Variants in CCBE1 observed in about 807,000 individuals in gnomAD.
CCBE1 encodes collagen and calcium binding EGF domains 1, also known as collagen and calcium-binding EGF domain-containing protein 1.
CCBE1 carries 37 observed loss-of-function variants against 50.0 expected under a neutral mutation model. The ratio of observed to expected loss-of-function variants is 0.74; its 90% CI spans 0.57 to 0.97. CCBE1 has a LOEUF of 0.97. Ranked by LOEUF, CCBE1 falls within the 50% of genes least tolerant of loss-of-function variation. The pLI is 0.00. For synonymous variants in CCBE1, 234 were observed against 203.7 expected (o/e 1.15, Z -1.27); for missense variants, 538 against 523.8 (o/e 1.03, Z -0.26).
At chr18:59,577,244 G>C (rs1005575887) in intron 2 of CCBE1, among the ~76,000 whole-genome samples, 1 of 152,218 alleles carries the variant, frequency 6.6e-6, no homozygotes, top group Admixed American at 6.5e-5. Flanking sequence ...AGGCAGAAAA[G>C]CATTTGTGGG....
intron 2 of CCBE1, among the ~76,000 whole-genome samples, chr18:59,608,490 C>T (rs554305256): frequency 6.6e-6 from 1 of 152,284 alleles, no homozygotes; most frequent in East Asian, 1.9e-4. Flanking sequence ...GCCCTTACCA[C>T]CTGCTTGAGA....
intron 9 of CCBE1, among the ~76,000 whole-genome samples, chr18:59,438,874 G>T (rs1436308828): frequency 6.6e-6 from 1 of 152,182 alleles, no homozygotes; most frequent in Non-Finnish European, 1.5e-5. Flanking sequence ...TTCAGGCCGG[G>T]AGCGGTGCCT....
At chr18:59,484,620 G>A (rs1357641156) in intron 2 of CCBE1, among the ~76,000 whole-genome samples, 1 of 152,182 alleles carries the variant, frequency 6.6e-6, no homozygotes, top group East Asian at 1.9e-4. Flanking sequence ...AAAAGGCTAT[G>A]GAACTCCATC....
chr18:59,605,508 G>C (rs879934932), intron 2 of CCBE1, among the ~76,000 whole-genome samples: 4 of 152,180 alleles, frequency 2.6e-5, no homozygotes, highest in Non-Finnish European at 5.9e-5. Flanking sequence ...GGTCCAGGTG[G>C]ATAACTCTTA....
intron 2 of CCBE1, among the ~76,000 whole-genome samples, chr18:59,567,080 C>T (rs2052841957): frequency 6.6e-6 from 1 of 152,066 alleles, no homozygotes; most frequent in African/African-American, 2.4e-5. Flanking sequence ...TCATGATGTC[C>T]TGGATTTATT....
At chr18:59,692,147 C>T (rs2054741194) in intron 2 of CCBE1, among the ~76,000 whole-genome samples, 1 of 152,170 alleles carries the variant, frequency 6.6e-6, no homozygotes, top group Non-Finnish European at 1.5e-5. Flanking sequence ...AGATGAAGTT[C>T]ATACGACTCA....
At chr18:59,580,412 T>C (rs1255164915) in intron 2 of CCBE1, among the ~76,000 whole-genome samples, 4 of 152,164 alleles carry the variant, frequency 2.6e-5, no homozygotes, top group African/African-American at 4.8e-5. Flanking sequence ...CCCCAAAATG[T>C]AGAAAACCAA....
chr18:59,547,225 C>T (rs560246876), intron 2 of CCBE1, among the ~76,000 whole-genome samples: 4 of 151,798 alleles, frequency 2.6e-5, no homozygotes, highest in South Asian at 2.1e-4. Flanking sequence ...GAGGCTAAGG[C>T]GGGCAGATCA....
chr18:59,676,574 T>C (rs1021941193), intron 2 of CCBE1, among the ~76,000 whole-genome samples: 1 of 152,386 alleles, frequency 6.6e-6, no homozygotes, highest in Non-Finnish European at 1.5e-5. Context: ...GTAATATGTA[T>C]TCATTCTTTC....
intron 2 of CCBE1, among the ~76,000 whole-genome samples, chr18:59,489,694 T>G (rs530472820): frequency 1.2e-3 from 176 of 152,220 alleles, no homozygotes; most frequent in Non-Finnish European, 2.0e-3. Flanking sequence ...ATTATAGACG[T>G]GAGCCACTGC....
chr18:59,656,731 A>G (rs1276159498), intron 2 of CCBE1, among the ~76,000 whole-genome samples: 1 of 152,246 alleles, frequency 6.6e-6, no homozygotes, highest in Middle Eastern at 3.2e-3. Flanking sequence ...TATTTTGTCT[A>G]AAGAGCAAAT....
intron 2 of CCBE1, among the ~76,000 whole-genome samples, chr18:59,654,973 G>A (rs1393271629): frequency 6.6e-6 from 1 of 151,198 alleles, no homozygotes; most frequent in Non-Finnish European, 1.5e-5. Context: ...TGTAATCCCA[G>A]CTACTTGGAA....
chr18:59,696,811 C>A (rs953000640), intron 1 of CCBE1, 102 bp from the exon 2 acceptor site: 2 of 1,281,336 alleles, frequency 1.6e-6, no homozygotes, highest in East Asian at 2.3e-5. Context: ...CCAGGCTCCC[C>A]GTCCCGGCGC....
At chr18:59,605,978 C>G (rs567824232) in intron 2 of CCBE1, among the ~76,000 whole-genome samples, 3 of 152,130 alleles carry the variant, frequency 2.0e-5, no homozygotes, top group Non-Finnish European at 4.4e-5. Context: ...CTCGAATGTC[C>G]GAACTGTAGA....
chr18:59,497,758 C>G (rs1913422830), intron 2 of CCBE1, among the ~76,000 whole-genome samples: 1 of 152,196 alleles, frequency 6.6e-6, no homozygotes, highest in African/African-American at 2.4e-5. Context: ...AACTGCCCAG[C>G]CCGCAGTCCT....
chr18:59,654,927 A>G (rs1304538009), intron 2 of CCBE1, among the ~76,000 whole-genome samples: 3 of 151,868 alleles, frequency 2.0e-5, no homozygotes, highest in Non-Finnish European at 4.4e-5. Flanking sequence ...ACATGGCAAA[A>G]ATGCAAAAAG....
chr18:59,627,221 C>T (rs991039396), intron 2 of CCBE1, among the ~76,000 whole-genome samples: 4 of 152,042 alleles, frequency 2.6e-5, no homozygotes, highest in South Asian at 4.1e-4. Context: ...CCATATTGTC[C>T]GTATTCTGAG....
At chr18:59,526,297 T>A (rs1914816505) in intron 2 of CCBE1, among the ~76,000 whole-genome samples, 1 of 148,876 alleles carries the variant, frequency 6.7e-6, no homozygotes, top group Non-Finnish European at 1.5e-5. Context: ...GATGTTAGGA[T>A]GCTGATTTGA....
chr18:59,535,566 G>A (rs1416006147), intron 2 of CCBE1, among the ~76,000 whole-genome samples: 1 of 152,150 alleles, frequency 6.6e-6, no homozygotes, highest in East Asian at 1.9e-4. Context: ...TGGGAAAACT[G>A]AGAAATTCAA....
Sources: gnomAD v4.1 joint callset for allele counts (sites outside exome capture counted in the v4.1 genomes callset) on GRCh38, gnomAD v4.1.1 for gene constraint, MANE v1.5 for transcripts, NCBI Gene and HGNC (gene_info 2026-07-23, HGNC 2026-07-21) for gene names.